Variants in TTC39B observed in about 807,000 individuals in gnomAD.
The protein encoded by TTC39B is tetratricopeptide repeat domain 39B.
Under a neutral mutation model 96.6 loss-of-function variants are expected in TTC39B, and 92 were observed. The observed-to-expected ratio is 0.95, with a 90% CI of 0.80 to 1.13. TTC39B has a LOEUF of 1.13. TTC39B is among the 50% of genes most tolerant of loss of function. The pLI is 0.00. For missense variants in TTC39B, 955 were observed against 809.3 expected (o/e 1.18, Z -2.18); for synonymous variants, 367 against 299.4 (o/e 1.23, Z -2.33).
At chr9:15,211,547 T>G in intron 4 of TTC39B, 150 bp from the exon 5 acceptor site, 1 of 679,892 alleles carries the variant, frequency 1.5e-6, no homozygotes, top group Non-Finnish European at 2.1e-6. Flanking sequence ...AAGTAACCTC[T>G]TAAAAACTCA....
At chr9:15,210,303 G>A (rs2131345491) in intron 5 of TTC39B, 139 bp from the exon 6 acceptor site, 1 of 602,828 alleles carries the variant, frequency 1.7e-6, no homozygotes, top group Admixed American at 3.3e-5. Flanking sequence ...AAGTCTATAG[G>A]ACACAGATCA....
chr9:15,194,992 G>C (rs2131280975), intron 8 of TTC39B, among the ~76,000 whole-genome samples: 1 of 152,332 alleles, frequency 6.6e-6, no homozygotes, highest in Non-Finnish European at 1.5e-5. Flanking sequence ...CCTCTCATTT[G>C]AAATCAAAAA....
chr9:15,268,505 A>C (rs1823220435), intron 1 of TTC39B, among the ~76,000 whole-genome samples: 1 of 152,146 alleles, frequency 6.6e-6, no homozygotes, highest in Non-Finnish European at 1.5e-5. Context: ...TGCACTCAGA[A>C]GACCACACAC....
At chr9:15,179,386 A>G (rs568528412) in intron 17 of TTC39B, among the ~76,000 whole-genome samples, 1 of 152,302 alleles carries the variant, frequency 6.6e-6, no homozygotes, top group African/African-American at 2.4e-5. Flanking sequence ...TAAGATGGTA[A>G]ACCACTTGAC....
chr9:15,227,338 A>ATT (rs1821180043), intron 2 of TTC39B, among the ~76,000 whole-genome samples: 1 of 152,064 alleles, frequency 6.6e-6, no homozygotes, highest in South Asian at 2.1e-4. Flanking sequence ...AGTGTCCTCA[A>ATT]TTAAGTGGAG....
chr9:15,203,186 T>G (rs1046926362), intron 7 of TTC39B, among the ~76,000 whole-genome samples: 54 of 152,138 alleles, frequency 3.5e-4, no homozygotes, highest in Non-Finnish European at 5.7e-4. Context: ...AGGAGAATAC[T>G]CTCCCGGTTT....
intron 6 of TTC39B, among the ~76,000 whole-genome samples, chr9:15,204,718 C>A (rs150698247): frequency 3.3e-5 from 5 of 152,084 alleles, no homozygotes; most frequent in African/African-American, 4.8e-5. Flanking sequence ...TGCACGGCCA[C>A]GTTAAGACTC....
At chr9:15,264,382 T>G (rs572686203) in intron 2 of TTC39B, among the ~76,000 whole-genome samples, 1 of 152,316 alleles carries the variant, frequency 6.6e-6, no homozygotes, top group East Asian at 1.9e-4. Context: ...CCAGGCGCAG[T>G]GGCTCATGCC....
At chr9:15,283,644 G>C (rs961455596) in intron 1 of TTC39B, among the ~76,000 whole-genome samples, 16 of 152,130 alleles carry the variant, frequency 1.1e-4, no homozygotes, top group African/African-American at 3.9e-4. Flanking sequence ...GATTTGCCCT[G>C]AAAAATTGAA....
At chr9:15,257,035 G>A (rs997620720) in intron 2 of TTC39B, among the ~76,000 whole-genome samples, 5 of 152,154 alleles carry the variant, frequency 3.3e-5, no homozygotes, top group African/African-American at 1.2e-4. Context: ...AAATGAGACA[G>A]TCGGAGAAAT....
At chr9:15,198,230 G>A (rs974088318) in intron 8 of TTC39B, among the ~76,000 whole-genome samples, 3 of 152,036 alleles carry the variant, frequency 2.0e-5, no homozygotes, top group South Asian at 2.1e-4. Context: ...AGGCCAAGAC[G>A]GGTGGATCAC....
chr9:15,219,629 T>C (rs538122830), intron 3 of TTC39B, among the ~76,000 whole-genome samples: 21 of 152,314 alleles, frequency 1.4e-4, no homozygotes, highest in African/African-American at 5.1e-4. Context: ...CACCTCGGAC[T>C]TCCCTGAGTA....
At chr9:15,247,794 A>G (rs1306067104) in intron 2 of TTC39B, among the ~76,000 whole-genome samples, 1 of 151,782 alleles carries the variant, frequency 6.6e-6, no homozygotes, top group Non-Finnish European at 1.5e-5. Context: ...CTGTTTCATA[A>G]TAGCATGATA....
chr9:15,213,167 G>A (rs182838020), intron 4 of TTC39B, among the ~76,000 whole-genome samples: 76 of 152,032 alleles, frequency 5.0e-4, no homozygotes, highest in African/African-American at 1.8e-3. Context: ...GAGAAGGAGA[G>A]ACTGAGAGAG....
intron 17 of TTC39B, among the ~76,000 whole-genome samples, chr9:15,180,126 C>T (rs1469385655): frequency 6.6e-6 from 1 of 152,132 alleles, no homozygotes; most frequent in Non-Finnish European, 1.5e-5. Context: ...AAAAGATCCG[C>T]TGAACTTTTA....
Position 15,201,098 on chromosome 9 carries a change from T to C in TTC39B, c.760-1173A>G, listed in dbSNP as rs540614704. 9.8e-5 allele frequency among the ~76,000 whole-genome samples: 15 copies of C among 152,356 alleles called. No individual in the cohort carries two copies. The South Asian group carries it at 3.1e-3, about 32-fold the overall frequency. On this transcript the variant is annotated intron_variant, in intron 7 of 19. Transcript: ENST00000512701. ...AGCAAAAGAAAAACTGAATTTCATTTACTAATTTCATTAATTGCTTAAATA... is the reference window on the plus strand; with the variant it reads ...AGCAAAAGAAAAACTGAATTTCATTCACTAATTTCATTAATTGCTTAAATA...
chr9:15,245,493 T>C (rs1378016747), intron 2 of TTC39B, among the ~76,000 whole-genome samples: 1 of 152,194 alleles, frequency 6.6e-6, no homozygotes, highest in Non-Finnish European at 1.5e-5. Flanking sequence ...ACAGGGATGC[T>C]ATTACTTTAA....
At chr9:15,211,433 C>A in intron 4 of TTC39B, 36 bp from the exon 5 acceptor site, 1 of 1,435,920 alleles carries the variant, frequency 7.0e-7, no homozygotes, top group South Asian at 1.6e-5. Context: ...CATTTTAATT[C>A]AATGGAAATA....
At chr9:15,192,526 G>A (rs1412454028) in intron 9 of TTC39B, 64 bp downstream of exon 9, 2 of 1,275,066 alleles carry the variant, frequency 1.6e-6, no homozygotes, top group Non-Finnish European at 2.3e-6. Context: ...ATGCAGTGGA[G>A]AAGGCACAGA....
Sources: allele counts gnomAD v4.1 joint callset (sites outside exome capture counted in the v4.1 genomes callset), GRCh38; gene constraint gnomAD v4.1.1; transcripts MANE v1.5; gene names NCBI Gene and HGNC (gene_info 2026-07-23, HGNC 2026-07-21).